TECPR2: variants seen among roughly 807,000 people sequenced by gnomAD.
TECPR2 encodes tectonin beta-propeller repeat-containing protein 2.
Under a neutral mutation model 138.1 loss-of-function variants are expected in TECPR2, and 65 were observed. That is an observed-to-expected ratio of 0.47 (90% CI 0.39 to 0.58). TECPR2 has a LOEUF of 0.58. TECPR2 is among the 20% of genes least tolerant of loss of function. The pLI, the probability that TECPR2 is intolerant of heterozygous loss-of-function variation, is 0.00. For missense variants in TECPR2, 1,553 were observed against 1,824.5 expected (o/e 0.85, Z 2.71); for synonymous variants, 746 against 749.8 (o/e 0.99, Z 0.08).
intron 2 of TECPR2, among the ~76,000 whole-genome samples, chr14:102,387,961 T>C (rs1317063145): frequency 6.6e-6 from 1 of 152,238 alleles, no homozygotes. Flanking sequence ...GGAAAGGCAC[T>C]GAGCCTGAAA....
At chr14:102,406,852 TTTG>T (rs1348124286) in intron 2 of TECPR2, among the ~76,000 whole-genome samples, 2 of 152,114 alleles carry the variant, frequency 1.3e-5, no homozygotes, top group South Asian at 2.1e-4. Context: ...TTTTGGTTTT[TTTG>T]TTGTTGTTGT....
intron 17 of TECPR2, among the ~76,000 whole-genome samples, chr14:102,490,363 G>T (rs1891126991): frequency 6.6e-6 from 1 of 152,196 alleles, no homozygotes; most frequent in Non-Finnish European, 1.5e-5. Context: ...CCCCTCACAG[G>T]CATCATGTCA....
intron 17 of TECPR2, among the ~76,000 whole-genome samples, chr14:102,468,420 C>A (rs1277287008): frequency 6.6e-6 from 1 of 152,166 alleles, no homozygotes; most frequent in African/African-American, 2.4e-5. Flanking sequence ...AACTCCTGAC[C>A]TTGTGATCCG....
At chr14:102,406,365 G>T (rs1378963505) in intron 2 of TECPR2, among the ~76,000 whole-genome samples, 1 of 151,442 alleles carries the variant, frequency 6.6e-6, no homozygotes, top group Admixed American at 6.6e-5. Context: ...TGCCTAACAC[G>T]GTGAAACCCC....
In TECPR2 at chr14:102,387,038, C is replaced by T. The variant is rs1888026912; in HGVS notation, c.219+10098C>T. ...AGATGCGTGGTCTCTTTGGAATGTC[C>T]AAGTCGAAAGTTAAAGATGCATTAA... On this transcript the variant is annotated intron_variant, in intron 2 of 19. Coordinates refer to ENST00000359520, the MANE Select transcript of TECPR2 (RefSeq NM_014844.5). Among the ~76,000 whole-genome samples, 3 of 152,048 alleles carry T rather than the reference C, an allele frequency of 2.0e-5. No homozygotes were observed. The South Asian group carries it at 6.2e-4, about 32-fold the overall frequency.
At chr14:102,367,837 C>G (rs1027775245) in intron 1 of TECPR2, among the ~76,000 whole-genome samples, 3 of 152,006 alleles carry the variant, frequency 2.0e-5, no homozygotes, top group African/African-American at 7.2e-5. Context: ...GTGGCTGCAC[C>G]ATTTTATTTT....
chr14:102,412,281 A>G (rs1160595481), intron 4 of TECPR2, among the ~76,000 whole-genome samples: 1 of 151,866 alleles, frequency 6.6e-6, no homozygotes, highest in Non-Finnish European at 1.5e-5. Context: ...ATGGGTGCAC[A>G]CCACCATGCC....
intron 17 of TECPR2, among the ~76,000 whole-genome samples, chr14:102,478,046 G>A (rs377621467): frequency 2.9e-4 from 44 of 149,254 alleles, no homozygotes; most frequent in Admixed American, 1.1e-3. Flanking sequence ...CACCGCACCC[G>A]GCCTGTTTTT....
chr14:102,408,415 T>A lies in TECPR2; in HGVS notation c.349-73T>A. On this transcript the variant is annotated intron_variant, in intron 3 of 19. Coordinates refer to ENST00000359520, the MANE Select transcript of TECPR2 (RefSeq NM_014844.5). ...CCCTAACTAGGAGTGATTGTATACC[T>A]TTTCCATGTAGCCCCAGCTCACAGC... 3.3e-6 allele frequency: 5 copies of A among 1,500,730 alleles called. No homozygotes were observed. In the South Asian group the frequency reaches 6.8e-5, roughly 20 times the overall value. 93.0% of individuals were successfully genotyped at this position (1,500,730 alleles called of 1,614,324 possible). A position where few individuals can be genotyped will look rare whatever the true frequency, so the allele number is the denominator to read the frequency against.
At chr14:102,398,577 T>C (rs1705811263) in intron 2 of TECPR2, among the ~76,000 whole-genome samples, 1 of 151,984 alleles carries the variant, frequency 6.6e-6, no homozygotes, top group Non-Finnish European at 1.5e-5. Flanking sequence ...CAAAGAACCT[T>C]TGGGCTGGAT....
intron 2 of TECPR2, among the ~76,000 whole-genome samples, chr14:102,380,824 G>T (rs144032349): frequency 0.01 from 1,582 of 151,766 alleles, 29 homozygotes; most frequent in African/African-American, 0.036. Flanking sequence ...GACTACAGGT[G>T]CCCGCCACCA....
intron 2 of TECPR2, among the ~76,000 whole-genome samples, chr14:102,384,079 C>G (rs1887919125): frequency 6.6e-6 from 1 of 151,582 alleles, no homozygotes; most frequent in South Asian, 2.1e-4. Context: ...GCCACCCCAT[C>G]TGGCTAATTT....
intron 10 of TECPR2, 73 bp downstream of exon 10, chr14:102,438,278 G>GACATCTT: frequency 6.6e-7 from 1 of 1,524,052 alleles, no homozygotes; most frequent in East Asian, 2.3e-5. Flanking sequence ...CCGGGGTGCA[G>GACATCTT]ACATCTTAGT....
In TECPR2 at chr14:102,419,754, T is replaced by C. The variant is rs762014714; in HGVS notation, c.638+4961T>C. 2.6e-5 allele frequency among the ~76,000 whole-genome samples: 4 copies of C among 152,190 alleles called. No individual in the cohort carries two copies. The highest frequency in any genetic ancestry group is 7.2e-5 in the African/African-American group (3 of 41,458). On this transcript the variant is annotated intron_variant, in intron 5 of 19. Transcript: ENST00000359520. The surrounding 1 kb of genome is among the most constrained non-coding windows in gnomAD (Gnocchi z 4.8). ...TAGCCATCTGCAACCGTGGGTTTGCTGTCCTGTGTATTTATGTTGCATTGT... is the reference window on the plus strand; with the variant it reads ...TAGCCATCTGCAACCGTGGGTTTGCCGTCCTGTGTATTTATGTTGCATTGT...
Position 102,411,698 on chromosome 14 carries a change from T to TAAAAA in TECPR2, c.481-2938_481-2937insAAAAA, listed in dbSNP as rs1219515960. ...CAGGTGAAATAAACAGCCATGTTGC[T>TAAAAA]CAAAAAAAAAAAAAAAAAAAAAAAA... On this transcript the variant is annotated intron_variant, in intron 4 of 19. Transcript: ENST00000359520. 1.3e-3 allele frequency among the ~76,000 whole-genome samples: 13 copies of TAAAAA among 9,664 alleles called. 1 individual carries two copies. The highest frequency in any genetic ancestry group is 1.7e-3 in the Admixed American group (1 of 602). 6.3% of individuals were successfully genotyped at this position (9,664 alleles called of 152,430 possible).
chr14:102,423,726 A>G (rs985165696), intron 5 of TECPR2, among the ~76,000 whole-genome samples: 5 of 152,146 alleles, frequency 3.3e-5, no homozygotes, highest in African/African-American at 1.2e-4. Context: ...CTGTGACTCT[A>G]TATATAGCAT....
intron 9 of TECPR2, chr14:102,436,961 A>G: frequency 2.0e-6 from 2 of 982,290 alleles, no homozygotes; most frequent in Non-Finnish European, 2.4e-6. Flanking sequence ...GCCCTCACTT[A>G]GGTGACAGGG....
chr14:102,489,408 G>A (rs1053405363), intron 17 of TECPR2, among the ~76,000 whole-genome samples: 2 of 151,644 alleles, frequency 1.3e-5, no homozygotes, highest in Non-Finnish European at 2.9e-5. Context: ...CACAAGGTCA[G>A]GAGTTCAAAA....
Position 102,498,985 on chromosome 14 carries a change from A to C in TECPR2, c.*728A>C. On this transcript the variant is annotated 3_prime_UTR_variant, in exon 20 of 20. Transcript: ENST00000359520. Reference sequence around the variant, plus strand: ...CTCACCACACAACACACCACACCCCACACCGCACTGCACCGCACCGCACCG... The same window carrying C: ...CTCACCACACAACACACCACACCCCCCACCGCACTGCACCGCACCGCACCG... 1 of 696,764 alleles carries C rather than the reference A, an allele frequency of 1.4e-6. No individual in the cohort carries two copies. Among genetic ancestry groups the C allele is most frequent in the Non-Finnish European group, 2.6e-6 (1 of 382,616 alleles). The allele number at this position is 696,764 out of a possible 1,614,324, so 43.2% of individuals were successfully genotyped here.
Sources: allele counts gnomAD v4.1 joint callset (sites outside exome capture counted in the v4.1 genomes callset), GRCh38; gene constraint gnomAD v4.1.1; non-coding constraint Gnocchi (gnomAD v3.1); transcripts MANE v1.5; gene names NCBI Gene and HGNC (gene_info 2026-07-23, HGNC 2026-07-21).